AP2A2: variants seen among roughly 807,000 people sequenced by gnomAD.
AP2A2 encodes AP-2 complex subunit alpha-2.
In AP2A2, 32 loss-of-function variants were observed where a neutral mutation model predicts 104.2. The observed-to-expected ratio is 0.31, with a 90% CI of 0.23 to 0.41. The LOEUF (loss-of-function observed/expected upper bound fraction) is 0.41. Among genes scored for constraint, AP2A2 ranks in the 10% least tolerant of loss-of-function variants. AP2A2 has a pLI of 1.00. For missense variants in AP2A2, 912 were observed against 1,261.0 expected (o/e 0.72, Z 4.19); for synonymous variants, 539 against 533.3 (o/e 1.01, Z -0.15).
rs968719243 is a variant in AP2A2 at position 927,203 on chromosome 11, C to T, written c.67+1115C>T. Among the ~76,000 whole-genome samples, 4 of 151,932 alleles carry T rather than the reference C, an allele frequency of 2.6e-5. No individual in the cohort carries two copies. In the East Asian group the frequency reaches 7.7e-4, roughly 29 times the overall value. On this transcript the variant is annotated intron_variant, in intron 1 of 21. Coordinates refer to ENST00000448903, the MANE Select transcript of AP2A2 (RefSeq NM_012305.4). ...CCTCCGGAGTCACTGGGACTACAAGCGTGCACCACCACCATGCCTGGCTGA... is the reference window on the plus strand; with the variant it reads ...CCTCCGGAGTCACTGGGACTACAAGTGTGCACCACCACCATGCCTGGCTGA...
chr11:934,550 A>G (rs1853391240), intron 1 of AP2A2, among the ~76,000 whole-genome samples: 1 of 151,920 alleles, frequency 6.6e-6, no homozygotes, highest in Non-Finnish European at 1.5e-5. Flanking sequence ...GATACTCCCC[A>G]TTTACCTTTC....
At position 1,009,131 on chromosome 11, in the gene AP2A2, C is replaced by T; in HGVS notation, c.2452C>T (p.Gln818Ter). ...GGGCACCTTCCAGAACGTGTCTGTGCAGCTGCCCATCACTCTCAACAAATT... is the reference window on the plus strand; with the variant it reads ...GGGCACCTTCCAGAACGTGTCTGTGTAGCTGCCCATCACTCTCAACAAATT... ...YGGTFQNVSV[Q>*]LPITLNKFFQ... Residue 818 changes from glutamine (Q) to a stop codon, truncating the protein, a stop_gained, in exon 19 of 22, where the codon CAG (glutamine) becomes TAG (stop). Coordinates refer to ENST00000448903, the MANE Select transcript of AP2A2 (RefSeq NM_012305.4). LOFTEE classifies it high-confidence loss of function. The T allele has an allele frequency of 6.2e-7, 1 of 1,613,288 alleles. No homozygotes were observed. Among genetic ancestry groups the T allele is most frequent in the East Asian group, 2.2e-5 (1 of 44,880 alleles).
chr11:957,130 A>G (rs1222347443), intron 1 of AP2A2: 1 of 152,314 alleles, frequency 6.6e-6, no homozygotes, highest in African/African-American at 2.4e-5. Flanking sequence ...AGTTTGCTAG[A>G]GAGGCTCACA....
intron 4 of AP2A2, 40 bp downstream of exon 4, chr11:972,295 G>A (rs199809338): frequency 1.3e-6 from 2 of 1,518,772 alleles, no homozygotes; most frequent in African/African-American, 1.4e-5. Flanking sequence ...CTGAAGATGT[G>A]CTGCTTTCAT....
chr11:972,942 G>A (rs912344403), intron 4 of AP2A2, among the ~76,000 whole-genome samples: 8 of 152,248 alleles, frequency 5.3e-5, no homozygotes, highest in African/African-American at 1.7e-4. Context: ...CATCCGTTCC[G>A]TCCCTTGTTA....
At chr11:937,457 T>C (rs972757952) in intron 1 of AP2A2, among the ~76,000 whole-genome samples, 1 of 152,248 alleles carries the variant, frequency 6.6e-6, no homozygotes, top group African/African-American at 2.4e-5. Flanking sequence ...AAGTTCACTT[T>C]TGGGGCCAGG....
intron 9 of AP2A2, 68 bp downstream of exon 9, chr11:987,021 G>A: frequency 6.6e-7 from 1 of 1,511,798 alleles, no homozygotes; most frequent in Admixed American, 2.0e-5. Flanking sequence ...TGTGAAGGCT[G>A]GGGGTACGCA....
intron 1 of AP2A2, among the ~76,000 whole-genome samples, chr11:948,895 A>G (rs1853942134): frequency 6.6e-6 from 1 of 152,180 alleles, no homozygotes; most frequent in Non-Finnish European, 1.5e-5. Context: ...GAAAAACAAG[A>G]TCTTGTCACA....
chr11:984,242 G>A (rs1444917466), intron 6 of AP2A2, among the ~76,000 whole-genome samples: 1 of 152,190 alleles, frequency 6.6e-6, no homozygotes, highest in African/African-American at 2.4e-5. Flanking sequence ...ATCTGGGTTG[G>A]CCTGTGGTCG....
intron 15 of AP2A2, among the ~76,000 whole-genome samples, chr11:1,002,177 C>G (rs565513481): frequency 2.9e-4 from 44 of 152,372 alleles, no homozygotes; most frequent in African/African-American, 1.1e-3. Flanking sequence ...CTCCCGTGTT[C>G]TTGACAGATT....
Position 984,757 on chromosome 11 carries a change from A to G in AP2A2, c.814+4A>G. 3 of 1,601,628 alleles carry G rather than the reference A, an allele frequency of 1.9e-6. No individual in the cohort carries two copies. The highest frequency in any genetic ancestry group is 8.5e-7 in the Non-Finnish European group (1 of 1,170,440). On this transcript the variant is annotated splice_donor_region_variant and intron_variant, in intron 7 of 21. Coordinates refer to ENST00000448903, the MANE Select transcript of AP2A2 (RefSeq NM_012305.4). ...CTGCAGTGCTACCCACCCCCAGGTA[A>G]CGCGCAGGCCGCGGCTCCTGAAGCT...
intron 17 of AP2A2, chr11:1,007,505 C>T (rs779960888): frequency 6.0e-6 from 1 of 167,402 alleles, no homozygotes. Flanking sequence ...GAGGCCTGCA[C>T]CCCGCTGCCT....
chr11:928,328 C>T (rs1345628632), intron 1 of AP2A2, among the ~76,000 whole-genome samples: 2 of 152,202 alleles, frequency 1.3e-5, no homozygotes, highest in Non-Finnish European at 2.9e-5. Context: ...TAATCTCTTA[C>T]TGTGCCTAAT....
At chr11:986,085 G>A (rs973476904) in intron 8 of AP2A2, among the ~76,000 whole-genome samples, 2 of 152,198 alleles carry the variant, frequency 1.3e-5, no homozygotes, top group East Asian at 1.9e-4. Flanking sequence ...CAGTTGCGGC[G>A]CACCACATGT....
chr11:962,155 G>T (rs1854464262), intron 2 of AP2A2, among the ~76,000 whole-genome samples: 1 of 152,258 alleles, frequency 6.6e-6, no homozygotes, highest in Non-Finnish European at 1.5e-5. Flanking sequence ...CAACCTGGGG[G>T]AGCCGGACCA....
intron 17 of AP2A2, chr11:1,007,339 G>GC (rs1856245163): frequency 1.3e-5 from 2 of 153,502 alleles, no homozygotes; most frequent in Non-Finnish European, 2.9e-5. Flanking sequence ...ACATGCAGGA[G>GC]CACCTGTATT....
intron 1 of AP2A2, among the ~76,000 whole-genome samples, chr11:929,045 T>G (rs1853207420): frequency 6.6e-6 from 1 of 152,132 alleles, no homozygotes; most frequent in South Asian, 2.1e-4. Flanking sequence ...AGGAAGGTGA[T>G]TCTTGGGCAA....
Position 994,172 on chromosome 11 carries a change from A to T in AP2A2, c.1883A>T (p.Glu628Val). Residue 628 changes from glutamate to valine, a missense_variant, in exon 14 of 22, where the codon GAG (glutamate) becomes GTG (valine). Coordinates refer to ENST00000448903, the MANE Select transcript of AP2A2 (RefSeq NM_012305.4). Reference sequence around the variant, plus strand: ...GGCCCCAGCACGGTGACAGACCTGGAGGACACCAAGCGGGACAGGAGTGTG... The same window carrying T: ...GGCCCCAGCACGGTGACAGACCTGGTGGACACCAAGCGGGACAGGAGTGTG... ...KKGPSTVTDLEDTKRDRSVDV... is the reference protein window; with the variant it reads ...KKGPSTVTDLVDTKRDRSVDV... The T allele has an allele frequency of 6.2e-7, 1 of 1,613,080 alleles. No individual in the cohort carries two copies. The highest frequency in any genetic ancestry group is 8.5e-7 in the Non-Finnish European group (1 of 1,179,850).
At chr11:981,358 A>G (rs1216030244) in intron 6 of AP2A2, 59 bp downstream of exon 6, 24 of 1,351,086 alleles carry the variant, frequency 1.8e-5, no homozygotes, top group Non-Finnish European at 2.4e-5. Context: ...TTATTTATTT[A>G]TTAGCTTATT....
Sources: allele counts gnomAD v4.1 joint callset (sites outside exome capture counted in the v4.1 genomes callset), GRCh38; gene constraint gnomAD v4.1.1; transcripts MANE v1.5; gene names NCBI Gene and HGNC (gene_info 2026-07-23, HGNC 2026-07-21).